The following MROH9 variants were observed in gnomAD, a reference collection of about 807,000 sequenced individuals.
MROH9 encodes maestro heat like repeat family member 9.
MROH9 carries 92 observed loss-of-function variants against 98.2 expected under a neutral mutation model. That is an observed-to-expected ratio of 0.94 (90% CI 0.79 to 1.11). The LOEUF (loss-of-function observed/expected upper bound fraction) is 1.11, where lower values mean the gene tolerates loss of function less well. MROH9 is among the 50% of genes most tolerant of loss of function. The pLI is 0.00. For synonymous variants in MROH9, 397 were observed against 368.9 expected, an observed-to-expected ratio of 1.08 and a Z score of -0.87; for missense variants, 1,057 against 1,014.8, an observed-to-expected ratio of 1.04 and a Z score of -0.57.
At chr1:171,008,712 T>C (rs1432982729) in intron 15 of MROH9, among the ~76,000 whole-genome samples, 3 of 152,226 alleles carry the variant, frequency 2.0e-5, no homozygotes, top group African/African-American at 7.2e-5. Context: ...GCTGTGATTG[T>C]GCTTGTGAAT....
intron 10 of MROH9, 30 bp downstream of exon 10, chr1:170,986,740 A>G: frequency 1.2e-6 from 2 of 1,606,996 alleles, no homozygotes; most frequent in Non-Finnish European, 1.7e-6. Flanking sequence ...GCAGGAGAGC[A>G]CAGGGTTTAC....
At chr1:170,982,736 A>C (rs1452051230) in intron 8 of MROH9, among the ~76,000 whole-genome samples, 10 of 152,044 alleles carry the variant, frequency 6.6e-5, no homozygotes, top group Non-Finnish European at 1.5e-5. Flanking sequence ...CGAAATATGT[A>C]TATTTTTAAT....
At chr1:170,997,002 A>C (rs997212030) in intron 14 of MROH9, among the ~76,000 whole-genome samples, 1 of 152,120 alleles carries the variant, frequency 6.6e-6, no homozygotes, top group Non-Finnish European at 1.5e-5. Flanking sequence ...TTTCCACTTG[A>C]AACAGGTCCA....
intron 7 of MROH9, among the ~76,000 whole-genome samples, chr1:170,970,372 A>G (rs997782823): frequency 8.0e-5 from 12 of 150,250 alleles, no homozygotes; most frequent in Admixed American, 7.9e-4. Flanking sequence ...TGGTTTTAAG[A>G]TCTTGCCATC....
chr1:171,056,630 A>T (rs893739602), intron 20 of MROH9, among the ~76,000 whole-genome samples: 16 of 152,300 alleles, frequency 1.1e-4, no homozygotes, highest in African/African-American at 2.9e-4. Flanking sequence ...AGGGTCAGTC[A>T]AAGTGCTTCA....
At chr1:171,012,596 G>A (rs908629824) in intron 15 of MROH9, among the ~76,000 whole-genome samples, 5 of 144,624 alleles carry the variant, frequency 3.5e-5, no homozygotes, top group African/African-American at 7.9e-5. Flanking sequence ...TCCGCCTCCC[G>A]GGTTCACTCC....
chr1:171,021,670 T>G (rs945661681), intron 17 of MROH9, among the ~76,000 whole-genome samples: 1 of 151,912 alleles, frequency 6.6e-6, no homozygotes, highest in South Asian at 2.1e-4. Flanking sequence ...ACCTAGGCAA[T>G]AGCGTTCAGG....
chr1:171,064,049 G>A, intron 21 of MROH9, 50 bp from the exon 22 acceptor site: 1 of 1,494,384 alleles, frequency 6.7e-7, no homozygotes, highest in Non-Finnish European at 8.9e-7. Flanking sequence ...AAAGCTTCAT[G>A]GCCTCTAAGA....
At chr1:170,960,395 G>A (rs1649973746) in intron 5 of MROH9, among the ~76,000 whole-genome samples, 1 of 152,092 alleles carries the variant, frequency 6.6e-6, no homozygotes, top group Non-Finnish European at 1.5e-5. Context: ...TTAAATAAAA[G>A]TCTTCTTCCA....
At chr1:171,038,770 CTGTCATAG>C (rs1374820351) in intron 20 of MROH9, among the ~76,000 whole-genome samples, 1 of 152,170 alleles carries the variant, frequency 6.6e-6, no homozygotes, top group African/African-American at 2.4e-5. Context: ...ATGACCAGAA[CTGTCATAG>C]TGACACCATT....
intron 1 of MROH9, among the ~76,000 whole-genome samples, chr1:170,941,525 A>G (rs1166541452): frequency 6.6e-6 from 1 of 152,282 alleles, no homozygotes; most frequent in Non-Finnish European, 1.5e-5. Context: ...ACTAGCCAAT[A>G]CCATAGGTTC....
chr1:170,996,704 T>C (rs545482665), intron 14 of MROH9, 60 bp downstream of exon 14: 1 of 1,546,076 alleles, frequency 6.5e-7, no homozygotes, highest in East Asian at 2.3e-5. Context: ...TCCAACTTCC[T>C]TCAATAAGCC....
Position 170,995,308 on chromosome 1 carries a change from C to T in MROH9, c.1195-81C>T, listed in dbSNP as rs996682527. On this transcript the variant is annotated intron_variant, in intron 12 of 21. Coordinates refer to ENST00000367759, the MANE Select transcript of MROH9 (RefSeq NM_001163629.2). The stretch of plus-strand genomic sequence containing the variant: ...GGCTGAAGGAGGGGTTGCAGAGTCA[C>T]TCTCTTGCTCCCCTCAGTAAGGTTG... 9 of 1,493,340 alleles carry T rather than the reference C, an allele frequency of 6.0e-6. No homozygotes were observed. The South Asian group carries it at 1.1e-4, about 18-fold the overall frequency. The allele number at this position is 1,493,340 out of a possible 1,614,324, so 92.5% of individuals were successfully genotyped here.
At position 171,024,656 on chromosome 1, in the gene MROH9, A is replaced by C; in HGVS notation, c.2069A>C (p.Lys690Thr). 6.5e-7 allele frequency: 1 copy of C among 1,549,222 alleles called. No homozygotes were observed. Among genetic ancestry groups the C allele is most frequent in the Non-Finnish European group, 8.7e-7 (1 of 1,145,086 alleles). Residue 690 changes from lysine (K) to threonine (T), a missense_variant, in exon 19 of 22, where the codon AAA becomes ACA. Lys to Thr is a moderately conservative substitution (Grantham distance 78). Coordinates refer to ENST00000367759, the MANE Select transcript of MROH9 (RefSeq NM_001163629.2). ...CCTTTTTCTGTCTCACAGGCATGTA[A>C]ATATACATTAAAAATCTGTACCTCA... ...DDDKRVAEAC[K>T]YTLKICTSQL...
At chr1:171,017,351 G>T (rs1652358477) in intron 17 of MROH9, among the ~76,000 whole-genome samples, 1 of 152,230 alleles carries the variant, frequency 6.6e-6, no homozygotes, top group Non-Finnish European at 1.5e-5. Flanking sequence ...CGGGCCAGGG[G>T]AGCCCCCACC....
chr1:171,019,939 C>T (rs1193714491), intron 17 of MROH9, among the ~76,000 whole-genome samples: 1 of 151,948 alleles, frequency 6.6e-6, no homozygotes, highest in African/African-American at 2.4e-5. Flanking sequence ...GGGAAATCAC[C>T]ACTGACCCCC....
chr1:171,045,167 A>G lies in MROH9; in HGVS notation c.2282-16965A>G, dbSNP rs191332912. The stretch of plus-strand genomic sequence containing the variant: ...AGGCGCCCGCCACCACGCCCGGTTA[A>G]TTTTTTCTATTTTTAGTAGAGACGG... On this transcript the variant is annotated intron_variant, in intron 20 of 21. Coordinates refer to ENST00000367759, the MANE Select transcript of MROH9 (RefSeq NM_001163629.2). Among the ~76,000 whole-genome samples, 11 of 150,090 alleles carry G rather than the reference A, an allele frequency of 7.3e-5. 1 individual carries two copies. In the East Asian group the frequency reaches 2.2e-3, roughly 29 times the overall value.
At chr1:171,035,460 A>G (rs956287226) in intron 20 of MROH9, among the ~76,000 whole-genome samples, 1 of 152,004 alleles carries the variant, frequency 6.6e-6, no homozygotes, top group African/African-American at 2.4e-5. Flanking sequence ...ACTGATGTTA[A>G]AATTGAAAGC....
At chr1:170,990,619 A>G (rs143756512) in intron 11 of MROH9, among the ~76,000 whole-genome samples, 1 of 152,314 alleles carries the variant, frequency 6.6e-6, no homozygotes, top group African/African-American at 2.4e-5. Flanking sequence ...TGGCATAAAC[A>G]TTGGAAATCA....
Sources: gnomAD v4.1 joint callset for allele counts (sites outside exome capture counted in the v4.1 genomes callset) on GRCh38, gnomAD v4.1.1 for gene constraint, MANE v1.5 for transcripts, NCBI Gene and HGNC (gene_info 2026-07-23, HGNC 2026-07-21) for gene names.